SLC31A1: variants seen among roughly 807,000 people sequenced by gnomAD.
The protein encoded by SLC31A1 is solute carrier family 31 member 1.
Under a neutral mutation model 17.2 loss-of-function variants are expected in SLC31A1, and 5 were observed. The observed-to-expected ratio is 0.29, with a 90% confidence interval of 0.15 to 0.61. SLC31A1 has a LOEUF of 0.61. Ranked by LOEUF, SLC31A1 falls within the 20% of genes least tolerant of loss-of-function variation. SLC31A1 has a pLI of 0.86. For missense variants in SLC31A1, 161 were observed against 241.4 expected (o/e 0.67, Z 2.21); for synonymous variants, 76 against 78.8 (o/e 0.96, Z 0.19).
At chr9:113,245,800 T>C (rs1033849694) in intron 1 of SLC31A1, among the ~76,000 whole-genome samples, 12 of 151,842 alleles carry the variant, frequency 7.9e-5, no homozygotes, top group African/African-American at 2.9e-4. Context: ...CCTGGCTAAC[T>C]TTTTTGTATT....
At chr9:113,250,016 A>C (rs1411633440) in intron 1 of SLC31A1, among the ~76,000 whole-genome samples, 14 of 152,182 alleles carry the variant, frequency 9.2e-5, no homozygotes, top group Admixed American at 8.5e-4. Context: ...ATCATTAAAA[A>C]GTCAGGAAAT....
Position 113,226,949 on chromosome 9 carries a change from T to C in SLC31A1, c.-36+5271T>C, listed in dbSNP as rs1420684362. Among the ~76,000 whole-genome samples the C allele has an allele frequency of 2.0e-5, 3 of 152,184 alleles. No homozygotes were observed. In the East Asian group the frequency reaches 5.8e-4, roughly 29 times the overall value. ...TTTTCTGATGGCTTTTTATGAGTTC[T>C]CACACAACCCCTATGCATAATCTAT... is the stretch of plus-strand genomic sequence containing the variant. On this transcript the variant is annotated intron_variant, in intron 1 of 4. Coordinates refer to ENST00000374212, the MANE Select transcript of SLC31A1 (RefSeq NM_001859.4).
intron 1 of SLC31A1, among the ~76,000 whole-genome samples, chr9:113,246,662 T>TTTTTA (rs1165331404): frequency 1.4e-5 from 2 of 146,510 alleles, no homozygotes; most frequent in African/African-American, 2.6e-5. Flanking sequence ...ATAATTTTTA[T>TTTTTA]TTTTATTTTA....
At chr9:113,247,492 C>G (rs1831594438) in intron 1 of SLC31A1, among the ~76,000 whole-genome samples, 1 of 152,144 alleles carries the variant, frequency 6.6e-6, no homozygotes, top group Non-Finnish European at 1.5e-5. Flanking sequence ...GGCCAATACT[C>G]AATGCTAAGA....
intron 1 of SLC31A1, among the ~76,000 whole-genome samples, chr9:113,232,460 A>G (rs1009907718): frequency 5.3e-5 from 8 of 152,138 alleles, no homozygotes; most frequent in South Asian, 4.1e-4. Flanking sequence ...CTGATTCAAC[A>G]TAGATAAAGG....
intron 1 of SLC31A1, among the ~76,000 whole-genome samples, chr9:113,226,244 AT>A (rs1564202240): frequency 6.6e-6 from 1 of 152,092 alleles, no homozygotes; most frequent in African/African-American, 2.4e-5. Context: ...AAATAACTGC[AT>A]TTTAAAGTGG....
chr9:113,242,078 A>G (rs1831527355), intron 1 of SLC31A1, among the ~76,000 whole-genome samples: 1 of 152,156 alleles, frequency 6.6e-6, no homozygotes, highest in Non-Finnish European at 1.5e-5. Context: ...AGTCCCAGCT[A>G]CTTGGGAGGC....
chr9:113,256,970 C>CA (rs1198723364), intron 2 of SLC31A1, 143 bp from the exon 3 acceptor site: 45 of 705,186 alleles, frequency 6.4e-5, no homozygotes, highest in Non-Finnish European at 9.8e-5. Context: ...GTAACGCTAA[C>CA]ATGAGGGCAA....
chr9:113,261,958 T>C lies in SLC31A1; in HGVS notation c.*1485T>C, dbSNP rs947958681. The C allele has an allele frequency of 3.9e-5, 6 of 152,790 alleles. No individual in the cohort carries two copies. The highest frequency in any genetic ancestry group is 1.3e-4 in the Admixed American group (2 of 15,296). The allele number at this position is 152,790 out of a possible 1,614,324, so 9.5% of individuals were successfully genotyped here. On this transcript the variant is annotated 3_prime_UTR_variant, in exon 5 of 5. Transcript: ENST00000374212. ...TTATTGAGCTCCACCTGTGTGTATGTGTACCCAAGCACACATGTGTGAAGG... is the reference window on the plus strand; with the variant it reads ...TTATTGAGCTCCACCTGTGTGTATGCGTACCCAAGCACACATGTGTGAAGG...
At chr9:113,260,156 T>C in intron 4 of SLC31A1, 116 bp from the exon 5 acceptor site, 2 of 839,726 alleles carry the variant, frequency 2.4e-6, no homozygotes, top group South Asian at 1.3e-5. Flanking sequence ...TACCCATGAG[T>C]TGCCAGAGTG....
At chr9:113,245,722 C>T (rs28706447) in intron 1 of SLC31A1, among the ~76,000 whole-genome samples, 22,305 of 151,616 alleles carry the variant, frequency 0.15, 1,921 homozygotes, top group East Asian at 0.34. Context: ...CCATGACCTC[C>T]CAAGATCAGG....
chr9:113,250,559 G>A (rs1274098326), intron 1 of SLC31A1, among the ~76,000 whole-genome samples: 1 of 149,830 alleles, frequency 6.7e-6, no homozygotes, highest in African/African-American at 2.5e-5. Flanking sequence ...GGATAGCACT[G>A]GGAGATATAC....
chr9:113,227,545 T>C (rs1218137220), intron 1 of SLC31A1: 1 of 152,216 alleles, frequency 6.6e-6, no homozygotes, highest in East Asian at 1.9e-4. Context: ...TGAGCCACCA[T>C]GTCCAGCCTC....
At chr9:113,248,462 CT>C (rs34154634) in intron 1 of SLC31A1, among the ~76,000 whole-genome samples, 1,530 of 86,526 alleles carry the variant, frequency 0.018, 5 homozygotes, top group African/African-American at 0.04. Context: ...GAAAGCAGTC[CT>C]TTTTTTTTTT....
chr9:113,226,532 G>T (rs1195230276), intron 1 of SLC31A1, among the ~76,000 whole-genome samples: 1 of 152,142 alleles, frequency 6.6e-6, no homozygotes, highest in South Asian at 2.1e-4. Context: ...ACATCCCCAA[G>T]CAGAGGAGGG....
intron 1 of SLC31A1, among the ~76,000 whole-genome samples, chr9:113,242,305 G>A (rs1404927510): frequency 6.6e-6 from 1 of 152,242 alleles, no homozygotes; most frequent in South Asian, 2.1e-4. Flanking sequence ...AGAAAAGTGG[G>A]GGATGTGTTT....
chr9:113,251,432 A>T (rs935706232), intron 1 of SLC31A1, among the ~76,000 whole-genome samples: 2 of 152,136 alleles, frequency 1.3e-5, no homozygotes, highest in Non-Finnish European at 2.9e-5. Flanking sequence ...AAAAAATAAA[A>T]AATAAAAAAT....
At chr9:113,254,978 A>T (rs1831704848) in intron 1 of SLC31A1, among the ~76,000 whole-genome samples, 1 of 152,198 alleles carries the variant, frequency 6.6e-6, no homozygotes. Context: ...GTGATGTGGT[A>T]GTAAAGATAC....
At chr9:113,242,624 C>CA (rs1831534360) in intron 1 of SLC31A1, among the ~76,000 whole-genome samples, 1 of 152,088 alleles carries the variant, frequency 6.6e-6, no homozygotes, top group African/African-American at 2.4e-5. Flanking sequence ...AGGCTGGTCT[C>CA]AAACTCCTGG....
Sources: allele counts gnomAD v4.1 joint callset (sites outside exome capture counted in the v4.1 genomes callset), GRCh38; gene constraint gnomAD v4.1.1; transcripts MANE v1.5; gene names NCBI Gene and HGNC (gene_info 2026-07-23, HGNC 2026-07-21).